Variants in DGKI observed in about 807,000 individuals in gnomAD.
DGKI encodes the protein diacylglycerol kinase iota, also known as DAG kinase iota.
DGKI carries 55 observed loss-of-function variants against 147.5 expected under a neutral mutation model. The observed-to-expected ratio is 0.37, with a 90% confidence interval of 0.30 to 0.47. The LOEUF is 0.47. Among genes scored for constraint, DGKI ranks in the 20% least tolerant of loss-of-function variants. The probability of loss-of-function intolerance (pLI) is 1.00; values close to 1 mark genes in which losing one functional copy is unlikely to be tolerated. For missense variants in DGKI, 1,007 were observed against 1,323.8 expected (o/e 0.76, Z 3.71); for synonymous variants, 469 against 477.1 (o/e 0.98, Z 0.22).
intron 20 of DGKI, among the ~76,000 whole-genome samples, chr7:137,537,933 G>A (rs1817572930): frequency 6.6e-6 from 1 of 152,066 alleles, no homozygotes; most frequent in Non-Finnish European, 1.5e-5. Flanking sequence ...AAGGAAAGAG[G>A]GTTCTGAATA....
chr7:137,590,363 A>G (rs1459222761), intron 12 of DGKI, among the ~76,000 whole-genome samples: 3 of 152,222 alleles, frequency 2.0e-5, no homozygotes, highest in African/African-American at 7.2e-5. Flanking sequence ...CCGACTTCCC[A>G]AAAGCCCAGT....
intron 19 of DGKI, among the ~76,000 whole-genome samples, chr7:137,556,662 G>T (rs564963702): frequency 6.6e-6 from 1 of 152,300 alleles, no homozygotes; most frequent in South Asian, 2.1e-4. Context: ...ATTGAAAGAT[G>T]TAAGGGAAGA....
chr7:137,488,077 G>C (rs74562612), intron 21 of DGKI, among the ~76,000 whole-genome samples: 3,311 of 152,230 alleles, frequency 0.022, 164 homozygotes, highest in East Asian at 0.12. Flanking sequence ...ATTTGCAATA[G>C]ACAACATGAG....
chr7:137,463,167 T>C (rs192721173), intron 27 of DGKI, among the ~76,000 whole-genome samples: 27 of 152,312 alleles, frequency 1.8e-4, no homozygotes, highest in Admixed American at 1.0e-3. Flanking sequence ...CATGTCTTTA[T>C]GATGTGGCAA....
At chr7:137,800,189 A>C (rs548072058) in intron 1 of DGKI, among the ~76,000 whole-genome samples, 1 of 152,294 alleles carries the variant, frequency 6.6e-6, no homozygotes, top group South Asian at 2.1e-4. Context: ...AATACCTACT[A>C]CATCCTTAGA....
At chr7:137,840,519 C>G (rs1429015883) in intron 1 of DGKI, among the ~76,000 whole-genome samples, 3 of 152,198 alleles carry the variant, frequency 2.0e-5, no homozygotes, top group Admixed American at 6.5e-5. Flanking sequence ...AACCGGAGAG[C>G]TAATTAGTGC....
intron 1 of DGKI, among the ~76,000 whole-genome samples, chr7:137,706,029 A>C (rs1794010518): frequency 6.6e-6 from 1 of 152,166 alleles, no homozygotes; most frequent in Non-Finnish European, 1.5e-5. Flanking sequence ...TAGTCTATTA[A>C]AACTCAGGTC....
chr7:137,477,625 T>C (rs897544032), intron 23 of DGKI, among the ~76,000 whole-genome samples: 1 of 152,182 alleles, frequency 6.6e-6, no homozygotes, highest in Non-Finnish European at 1.5e-5. Context: ...AGTGTGCACA[T>C]GCAAATTGTA....
At chr7:137,450,681 C>T (rs147599462) in intron 27 of DGKI, among the ~76,000 whole-genome samples, 2,907 of 152,024 alleles carry the variant, frequency 0.019, 109 homozygotes, top group African/African-American at 0.066. Flanking sequence ...AAGATTGCAC[C>T]GTTGCACTCC....
In DGKI at chr7:137,463,588, G is replaced by T; in HGVS notation, c.2636C>A (p.Ala879Asp). ...GTCACTCAGCATGCGTTTCCGCAGGGCAGGATTCCACCAGTCTGAGATCCT... is the reference window on the plus strand; with the variant it reads ...GTCACTCAGCATGCGTTTCCGCAGGTCAGGATTCCACCAGTCTGAGATCCT... ...ASGISDWWNP[A>D]LRKRMLSDSG... The change falls in exon 27 of 33, where the codon GCC becomes GAC. Residue 879 changes from alanine (A) to aspartate (D), a missense_variant. Ala to Asp is a moderately radical substitution (Grantham distance 126). This residue lies in a region of DGKI where 385 missense variants were observed against 445.2 expected (regional missense o/e 0.86). Coordinates refer to ENST00000614521, the MANE Select transcript of DGKI (RefSeq NM_001321708.2). 2 of 1,614,158 alleles carry T rather than the reference G, an allele frequency of 1.2e-6. No individual in the cohort carries two copies. The highest frequency in any genetic ancestry group is 1.7e-6 in the Non-Finnish European group (2 of 1,180,006).
chr7:137,768,783 TA>T (rs1163834677), intron 1 of DGKI, among the ~76,000 whole-genome samples: 41 of 152,246 alleles, frequency 2.7e-4, no homozygotes, highest in Admixed American at 2.1e-3. Context: ...AGGGACAAAA[TA>T]AATTGCAGCC....
At chr7:137,536,406 T>C (rs1369744576) in intron 20 of DGKI, among the ~76,000 whole-genome samples, 1 of 152,130 alleles carries the variant, frequency 6.6e-6, no homozygotes, top group Non-Finnish European at 1.5e-5. Flanking sequence ...ACTTTGGTTC[T>C]TGCTAACAGG....
intron 21 of DGKI, among the ~76,000 whole-genome samples, chr7:137,498,522 A>C (rs1245220395): frequency 2.0e-5 from 3 of 152,130 alleles, no homozygotes; most frequent in African/African-American, 7.2e-5. Context: ...AAAAGGAAGA[A>C]TCTACAAGCT....
chr7:137,768,038 C>G (rs2116836590), intron 1 of DGKI, among the ~76,000 whole-genome samples: 1 of 152,206 alleles, frequency 6.6e-6, no homozygotes, highest in Admixed American at 6.5e-5. Context: ...AAACAAAAAA[C>G]AAATAATCTG....
chr7:137,435,986 G>A (rs539308330), intron 28 of DGKI, among the ~76,000 whole-genome samples: 2 of 152,244 alleles, frequency 1.3e-5, no homozygotes, highest in East Asian at 3.9e-4. Flanking sequence ...CACGATGTTG[G>A]CTAGGCTGGT....
chr7:137,720,316 G>A (rs981463000), intron 1 of DGKI, among the ~76,000 whole-genome samples: 8 of 137,612 alleles, frequency 5.8e-5, no homozygotes, highest in African/African-American at 2.1e-4. Context: ...GGACTGCAGT[G>A]GTGCGATCTC....
chr7:137,455,102 C>T (rs1296513786), intron 27 of DGKI, among the ~76,000 whole-genome samples: 1 of 152,052 alleles, frequency 6.6e-6, no homozygotes, highest in African/African-American at 2.4e-5. Flanking sequence ...CTTCTGATCC[C>T]AGTTTTAGAA....
At chr7:137,729,788 C>A (rs1343201600) in intron 1 of DGKI, among the ~76,000 whole-genome samples, 1 of 152,034 alleles carries the variant, frequency 6.6e-6, no homozygotes. Context: ...ATTTTCTTGG[C>A]CTTCAAGACA....
At chr7:137,683,182 T>C (rs535355703) in intron 2 of DGKI, among the ~76,000 whole-genome samples, 2 of 152,190 alleles carry the variant, frequency 1.3e-5, no homozygotes, top group South Asian at 4.2e-4. Context: ...TATTTAACGT[T>C]AGTATAAATT....
Sources: allele counts gnomAD v4.1 joint callset (sites outside exome capture counted in the v4.1 genomes callset), GRCh38; gene constraint gnomAD v4.1.1; regional missense constraint gnomAD v4.1.1; transcripts MANE v1.5; gene names NCBI Gene and HGNC (gene_info 2026-07-23, HGNC 2026-07-21).